Variants in BOLA3 observed in about 807,000 individuals in gnomAD.
BOLA3 encodes the protein bolA family member 3.
In BOLA3, 8 loss-of-function variants were observed where a neutral mutation model predicts 14.5. The observed-to-expected ratio is 0.55, with a 90% CI of 0.32 to 0.99. BOLA3 has a LOEUF of 0.99. Among genes scored for constraint, BOLA3 ranks in the 50% least tolerant of loss-of-function variants. The probability of loss-of-function intolerance (pLI) is 0.04; values close to 1 mark genes in which losing one functional copy is unlikely to be tolerated. For synonymous variants in BOLA3, 42 were observed against 45.7 expected (o/e 0.92, Z 0.33); for missense variants, 115 against 138.2 (o/e 0.83, Z 0.84).
intron 2 of BOLA3, among the ~76,000 whole-genome samples, chr2:74,144,687 C>CT (rs1326491447): frequency 6.6e-6 from 1 of 152,246 alleles, no homozygotes; most frequent in Non-Finnish European, 1.5e-5. Flanking sequence ...AGGACAGAGT[C>CT]TCCCCTGAGT....
At chr2:74,141,358 G>A (rs1028333284) in intron 3 of BOLA3, among the ~76,000 whole-genome samples, 5 of 141,846 alleles carry the variant, frequency 3.5e-5, no homozygotes, top group Non-Finnish European at 7.7e-5. Flanking sequence ...GGAAAACACC[G>A]ACAGCCAAAA....
Position 74,147,899 on chromosome 2 carries a change from C to A in BOLA3, c.-25G>T. 2 of 1,512,566 alleles carry A rather than the reference C, an allele frequency of 1.3e-6. No individual in the cohort carries two copies. Among genetic ancestry groups the A allele is most frequent in the Non-Finnish European group, 8.8e-7 (1 of 1,137,780 alleles). The allele number at this position is 1,512,566 out of a possible 1,614,324, so 93.7% of individuals were successfully genotyped here. On this transcript the variant is annotated 5_prime_UTR_variant, in exon 1 of 4. Transcript: ENST00000327428. ...TGCCCGGCCGACGTGACCCGCCGCC[C>A]GAGGTCACTGTATGCCCGAAAGACG...
rs1440962863 is a variant in BOLA3, at chr2:74,135,619, T to C, written c.298A>G (p.Ile100Val). 1 of 1,614,010 alleles carries C rather than the reference T, an allele frequency of 6.2e-7. No homozygotes were observed. The highest frequency in any genetic ancestry group is 1.7e-5 in the Admixed American group (1 of 59,992). ...EEIKEMHGLRIFTSVPKR is the reference protein window; with the variant it reads ...EEIKEMHGLRVFTSVPKR ...CAGCGTTTGGGGACAGAGGTAAATA[T>C]CCGCAATCCATGCATCTCTTTGATT... The change falls in exon 4 of 4, where the codon ATA becomes GTA. Residue 100 changes from isoleucine (I) to valine (V), a missense_variant. Ile to Val is a conservative substitution (Grantham distance 29). Coordinates refer to ENST00000327428, the MANE Select transcript of BOLA3 (RefSeq NM_212552.3).
At chr2:74,142,595 A>G (rs1172450221) in intron 2 of BOLA3, among the ~76,000 whole-genome samples, 1 of 152,176 alleles carries the variant, frequency 6.6e-6, no homozygotes, top group Non-Finnish European at 1.5e-5. Flanking sequence ...TGCACCACCC[A>G]GGGTTACCAC....
chr2:74,141,946 G>T (rs1469135653), intron 3 of BOLA3, among the ~76,000 whole-genome samples: 4 of 152,122 alleles, frequency 2.6e-5, no homozygotes, highest in African/African-American at 9.7e-5. Context: ...CCCCTCTTCA[G>T]ATCTACAAAA....
chr2:74,142,981 G>A (rs1438134743), intron 2 of BOLA3, among the ~76,000 whole-genome samples: 1 of 152,130 alleles, frequency 6.6e-6, no homozygotes, highest in Non-Finnish European at 1.5e-5. Context: ...AGAGCTTGGT[G>A]GGCCATCCAC....
In BOLA3 at chr2:74,147,822, C is replaced by G; in HGVS notation, c.53G>C (p.Gly18Ala). 1 of 1,528,812 alleles carries G rather than the reference C, an allele frequency of 6.5e-7. No homozygotes were observed. The highest frequency in any genetic ancestry group is 8.7e-7 in the Non-Finnish European group (1 of 1,144,486). The allele number at this position is 1,528,812 out of a possible 1,614,324, so 94.7% of individuals were successfully genotyped here. Residue 18 changes from glycine to alanine, a missense_variant and splice_region_variant, in exon 1 of 4, where the codon GGG becomes GCG. By Grantham distance (60) the Gly-to-Ala change is moderately conservative. Coordinates refer to ENST00000327428, the MANE Select transcript of BOLA3 (RefSeq NM_212552.3). The stretch of plus-strand genomic sequence containing the variant: ...AGCCCCGACCCTGCCCACGCTCACC[C>G]CGCGGATCCCGCGGAGGAGAGGCGC... ...AAAPLLRGIR[G>A]LPLHHRMFAT...
chr2:74,136,930 C>A, intron 3 of BOLA3, among the ~76,000 whole-genome samples: 1 of 152,224 alleles, frequency 6.6e-6, no homozygotes, highest in African/African-American at 2.4e-5. Flanking sequence ...ATATTTGGCC[C>A]CTGTAGTGCT....
At chr2:74,136,732 T>C (rs776066174) in intron 3 of BOLA3, among the ~76,000 whole-genome samples, 1 of 152,236 alleles carries the variant, frequency 6.6e-6, no homozygotes, top group Non-Finnish European at 1.5e-5. Context: ...TTAGGCTGTT[T>C]CCTGTGTTTT....
intron 3 of BOLA3, among the ~76,000 whole-genome samples, chr2:74,141,102 T>C (rs1316029135): frequency 6.6e-6 from 1 of 152,226 alleles, no homozygotes; most frequent in Non-Finnish European, 1.5e-5. Context: ...AGGTCTTCCC[T>C]GTCTTGTCTT....
At chr2:74,146,972 G>C (rs1434284577) in intron 1 of BOLA3, 1 of 152,666 alleles carries the variant, frequency 6.6e-6, no homozygotes, top group Non-Finnish European at 1.5e-5. Flanking sequence ...GATGTTGAGA[G>C]GCTGGACAGG....
At chr2:74,143,078 G>T (rs1267967118) in intron 2 of BOLA3, among the ~76,000 whole-genome samples, 1 of 152,200 alleles carries the variant, frequency 6.6e-6, no homozygotes, top group Non-Finnish European at 1.5e-5. Flanking sequence ...AAATAACATG[G>T]GCAAGAATAT....
intron 3 of BOLA3, among the ~76,000 whole-genome samples, chr2:74,136,973 G>T (rs920455545): frequency 6.6e-6 from 1 of 152,206 alleles, no homozygotes; most frequent in African/African-American, 2.4e-5. Context: ...TCAGAGTGGG[G>T]CTTGGACCGC....
At chr2:74,145,459 T>A in intron 1 of BOLA3, 156 bp from the exon 2 acceptor site, 2 of 672,262 alleles carry the variant, frequency 3.0e-6, no homozygotes, top group Non-Finnish European at 5.4e-6. Context: ...CTCTGTGGTA[T>A]CAGGAGTCCA....
At chr2:74,147,597 G>A in intron 1 of BOLA3, 1 of 580,004 alleles carries the variant, frequency 1.7e-6, no homozygotes, top group Non-Finnish European at 3.1e-6. Flanking sequence ...ACCCAGCTCG[G>A]GAGCTCCCCT....
intron 1 of BOLA3, chr2:74,147,297 T>C (rs914255257): frequency 4.4e-5 from 7 of 160,572 alleles, no homozygotes; most frequent in African/African-American, 1.4e-4. Flanking sequence ...AGAGAAAGAA[T>C]GGTATGAGCT....
In BOLA3 at chr2:74,135,753, A is replaced by G. The variant is rs1355125896; in HGVS notation, c.259-95T>C. The stretch of plus-strand genomic sequence containing the variant: ...TTTTATACAGCTCTGCATCTGAAGG[A>G]GACTTTGTATGTGCTTTGTTTAAGC... On this transcript the variant is annotated intron_variant, in intron 3 of 3. Transcript: ENST00000327428. 3 of 970,694 alleles carry G rather than the reference A, an allele frequency of 3.1e-6. No individual in the cohort carries two copies. The East Asian group carries it at 7.2e-5, about 23-fold the overall frequency. 60.1% of individuals were successfully genotyped at this position (970,694 alleles called of 1,614,324 possible).
chr2:74,139,284 C>T (rs958048156), intron 3 of BOLA3, among the ~76,000 whole-genome samples: 1 of 152,168 alleles, frequency 6.6e-6, no homozygotes, highest in African/African-American at 2.4e-5. Context: ...ATGAACACTA[C>T]TACGCATAGG....
chr2:74,139,119 G>A (rs929658800), intron 3 of BOLA3, among the ~76,000 whole-genome samples: 6 of 152,106 alleles, frequency 3.9e-5, no homozygotes, highest in Non-Finnish European at 5.9e-5. Flanking sequence ...CCAGAGGAAC[G>A]AGTCCATTCC....
Sources: allele counts gnomAD v4.1 joint callset (sites outside exome capture counted in the v4.1 genomes callset), GRCh38; gene constraint gnomAD v4.1.1; transcripts MANE v1.5; gene names NCBI Gene and HGNC (gene_info 2026-07-23, HGNC 2026-07-21).